TAPT1: variants seen among roughly 807,000 people sequenced by gnomAD.
The protein encoded by TAPT1 is transmembrane anterior posterior transformation 1, also known as transmembrane anterior posterior transformation protein 1 homolog.
TAPT1 carries 28 observed loss-of-function variants against 65.6 expected under a neutral mutation model. The ratio of observed to expected loss-of-function variants is 0.43; its 90% CI spans 0.32 to 0.59. TAPT1 has a LOEUF of 0.59. TAPT1 is among the 20% of genes least tolerant of loss of function. The pLI, the probability that TAPT1 is intolerant of heterozygous loss-of-function variation, is 0.09. For synonymous variants in TAPT1, 278 were observed against 245.2 expected, an observed-to-expected ratio of 1.13 and a Z score of -1.25; for missense variants, 563 against 679.9, an observed-to-expected ratio of 0.83 and a Z score of 1.91.
chr4:16,196,852 T>C, intron 3 of TAPT1: 1 of 458,980 alleles, frequency 2.2e-6, no homozygotes, highest in Admixed American at 2.4e-5. Context: ...TATATTGCTC[T>C]CAACAAATAA....
In TAPT1 at chr4:16,162,086, C is replaced by A. The variant is rs11934569; in HGVS notation, c.*1222G>T. Reference sequence around the variant, plus strand: ...ACACAATCTTCATCTCAAATAAAACCAAAAAGCACCTTTTGGTTGCTGTTC... The same window carrying A: ...ACACAATCTTCATCTCAAATAAAACAAAAAAGCACCTTTTGGTTGCTGTTC... On this transcript the variant is annotated 3_prime_UTR_variant, in exon 14 of 14. Transcript: ENST00000405303. The A allele has an allele frequency of 0.043, 6,580 of 152,348 alleles. 246 individuals carry two copies. The highest frequency in any genetic ancestry group is 0.09 in the African/African-American group (3,731 of 41,516). The allele number at this position is 152,348 out of a possible 1,614,324, so 9.4% of individuals were successfully genotyped here.
intron 1 of TAPT1, among the ~76,000 whole-genome samples, chr4:16,223,066 A>G (rs777385816): frequency 5.9e-5 from 9 of 152,080 alleles, no homozygotes; most frequent in Non-Finnish European, 1.3e-4. Flanking sequence ...TGGTGACTAG[A>G]AGCAACCTAG....
intron 8 of TAPT1, among the ~76,000 whole-genome samples, chr4:16,177,932 G>T (rs546493864): frequency 3.9e-5 from 6 of 152,202 alleles, no homozygotes; most frequent in South Asian, 4.1e-4. Flanking sequence ...CATATTATCT[G>T]CCATAGTACT....
At chr4:16,208,989 G>C (rs1357917622) in intron 2 of TAPT1, among the ~76,000 whole-genome samples, 3 of 152,046 alleles carry the variant, frequency 2.0e-5, no homozygotes, top group African/African-American at 7.2e-5. Context: ...TCAGTCTCTC[G>C]AGTAGCTAGG....
rs554487482 is a variant in TAPT1, at chr4:16,209,776, T to C, written c.330+3992A>G. ...ATAGTATATATATCTTGTGAGGCTG[T>C]TGAATGGATTGAACGCAAACACATG... On this transcript the variant is annotated intron_variant, in intron 2 of 13. Transcript: ENST00000405303. Among the ~76,000 whole-genome samples the C allele has an allele frequency of 3.9e-5, 6 of 152,346 alleles. No individual in the cohort carries two copies. The East Asian group carries it at 1.2e-3, about 29-fold the overall frequency.
chr4:16,215,549 T>G (rs941801286), intron 1 of TAPT1, among the ~76,000 whole-genome samples: 1 of 152,136 alleles, frequency 6.6e-6, no homozygotes, highest in Non-Finnish European at 1.5e-5. Context: ...GGGGAGTCAG[T>G]GTTACCATGA....
At chr4:16,216,581 C>T (rs768728568) in intron 1 of TAPT1, among the ~76,000 whole-genome samples, 1 of 152,274 alleles carries the variant, frequency 6.6e-6, no homozygotes, top group African/African-American at 2.4e-5. Context: ...GACTTCAGTT[C>T]CTGGCATTAC....
intron 1 of TAPT1, among the ~76,000 whole-genome samples, chr4:16,219,244 A>G (rs1751111550): frequency 6.6e-6 from 1 of 152,172 alleles, no homozygotes; most frequent in Non-Finnish European, 1.5e-5. Flanking sequence ...ACCATTAGAT[A>G]GCTTTGCCTA....
At chr4:16,170,783 C>G in intron 11 of TAPT1, 54 bp from the exon 12 acceptor site, 2 of 1,358,316 alleles carry the variant, frequency 1.5e-6, no homozygotes, top group Non-Finnish European at 2.1e-6. Context: ...CACACAACCA[C>G]AGAGTTATTA....
At chr4:16,216,315 T>C (rs1388914077) in intron 1 of TAPT1, 4 of 152,236 alleles carry the variant, frequency 2.6e-5, no homozygotes, top group African/African-American at 7.2e-5. Context: ...ATGATGGTAT[T>C]CTCCAATATG....
intron 3 of TAPT1, among the ~76,000 whole-genome samples, chr4:16,201,386 AC>A (rs999921737): frequency 8.5e-5 from 13 of 152,210 alleles, no homozygotes; most frequent in African/African-American, 2.7e-4. Context: ...TATTTTATAC[AC>A]CACGGAACAG....
rs561322456 is a variant in TAPT1 at position 16,223,931 on chromosome 4, A to G, written c.199+2328T>C. ...GTAGGAGCCCTAAATTCCTTGTGAG[A>G]AATGATAAAGGGAACTTTGGAACTG... On this transcript the variant is annotated intron_variant, in intron 1 of 13. Transcript: ENST00000405303. Among the ~76,000 whole-genome samples, 4 of 152,268 alleles carry G rather than the reference A, an allele frequency of 2.6e-5. No homozygotes were observed. In the East Asian group the frequency reaches 7.7e-4, roughly 29 times the overall value.
intron 7 of TAPT1, among the ~76,000 whole-genome samples, chr4:16,185,100 T>C (rs1278894384): frequency 6.6e-6 from 1 of 152,132 alleles, no homozygotes; most frequent in African/African-American, 2.4e-5. Flanking sequence ...TTAGCATTTA[T>C]GTTTAGGGTT....
At chr4:16,174,153 C>T (rs918042652) in intron 11 of TAPT1, 51 bp downstream of exon 11, 20 of 1,320,292 alleles carry the variant, frequency 1.5e-5, no homozygotes, top group Non-Finnish European at 2.0e-5. Flanking sequence ...TATTAATATT[C>T]TATAATGATG....
intron 7 of TAPT1, chr4:16,183,076 C>T (rs1748806088): frequency 6.6e-6 from 1 of 152,162 alleles, no homozygotes; most frequent in Non-Finnish European, 1.5e-5. Flanking sequence ...GTAGCTACTA[C>T]TGAAGCATAT....
intron 7 of TAPT1, among the ~76,000 whole-genome samples, chr4:16,182,017 CTCTA>C (rs1478448748): frequency 2.0e-5 from 3 of 152,188 alleles, no homozygotes; most frequent in Non-Finnish European, 2.9e-5. Context: ...TAAAAATTAA[CTCTA>C]TCTTTATTTG....
chr4:16,183,544 C>T (rs951996878), intron 7 of TAPT1, among the ~76,000 whole-genome samples: 1 of 152,064 alleles, frequency 6.6e-6, no homozygotes, highest in African/African-American at 2.4e-5. Context: ...AGGTTAAAAA[C>T]ATTCACAATT....
chr4:16,168,899 G>A (rs1200669603), intron 12 of TAPT1, among the ~76,000 whole-genome samples: 2 of 152,246 alleles, frequency 1.3e-5, no homozygotes, highest in East Asian at 3.8e-4. Flanking sequence ...TCCCACCTTA[G>A]CTGGCAAGAG....
Position 16,186,601 on chromosome 4 carries a change from CA to C in TAPT1, c.849del (p.Phe283LeufsTer36), listed in dbSNP as rs1411152976. The C allele has an allele frequency of 6.6e-7, 1 of 1,524,454 alleles. No homozygotes were observed. The highest frequency in any genetic ancestry group is 8.9e-7 in the Non-Finnish European group (1 of 1,122,118). The allele number at this position is 1,524,454 out of a possible 1,614,324, so 94.4% of individuals were successfully genotyped here. A position where few individuals can be genotyped will look rare whatever the true frequency, so the allele number is the denominator to read the frequency against. On this transcript the variant is annotated frameshift_variant and splice_region_variant, in exon 7 of 14. Transcript: ENST00000405303. LOFTEE classifies it high-confidence loss of function. ...TTGAAAACACTTCCTTTAATTTCAA[CA>C]AACTGAAATAGTAAACAGAAATACC... ...SLLTIMMSNN[F>X]VEIKGSVFKK...
Sources: gnomAD v4.1 joint callset for allele counts (sites outside exome capture counted in the v4.1 genomes callset) on GRCh38, gnomAD v4.1.1 for gene constraint, MANE v1.5 for transcripts, NCBI Gene and HGNC (gene_info 2026-07-23, HGNC 2026-07-21) for gene names.